Variants in ZMIZ1 observed in about 807,000 individuals in gnomAD.
ZMIZ1 encodes zinc finger MIZ-type containing 1.
A neutral mutation model predicts 113.9 loss-of-function variants in ZMIZ1; 17 were observed. That is an observed-to-expected ratio of 0.15 (90% CI 0.10 to 0.22). The LOEUF (loss-of-function observed/expected upper bound fraction) is 0.22, where lower values mean the gene tolerates loss of function less well. ZMIZ1 is among the 10% of genes least tolerant of loss of function. The pLI is 1.00. For missense variants in ZMIZ1, 1,059 were observed against 1,477.8 expected, an observed-to-expected ratio of 0.72 and a Z score of 4.65; for synonymous variants, 607 against 603.1, an observed-to-expected ratio of 1.01 and a Z score of -0.09.
intron 1 of ZMIZ1, among the ~76,000 whole-genome samples, chr10:79,077,514 C>A (rs1262502822): frequency 6.6e-6 from 1 of 151,788 alleles, no homozygotes; most frequent in African/African-American, 2.4e-5. Flanking sequence ...GGTTTTCCAT[C>A]GAAAAATGGT....
At chr10:79,250,605 G>T (rs1315174393) in intron 7 of ZMIZ1, among the ~76,000 whole-genome samples, 1 of 152,246 alleles carries the variant, frequency 6.6e-6, no homozygotes, top group East Asian at 1.9e-4. Context: ...AAGCCCGCCA[G>T]TGATTTGCAC....
At chr10:79,219,015 G>A (rs1848854592) in intron 7 of ZMIZ1, among the ~76,000 whole-genome samples, 1 of 151,636 alleles carries the variant, frequency 6.6e-6, no homozygotes, top group African/African-American at 2.4e-5. Context: ...GACAGCTCGG[G>A]CTATAAAAGA....
At position 79,118,261 on chromosome 10, in the gene ZMIZ1, A is replaced by C. The variant is rs1162054791; in HGVS notation, c.-336-654A>C. On this transcript the variant is annotated intron_variant, in intron 1 of 24. Coordinates refer to ENST00000334512, the MANE Select transcript of ZMIZ1 (RefSeq NM_020338.4). The surrounding 1 kb of genome is among the most constrained non-coding windows in gnomAD (Gnocchi z 4.1). ...GAGGCCTCCTGACTTCAGTCAGCCC[A>C]TGTTTTTCTGTTTGTTCACTGCACA... Among the ~76,000 whole-genome samples, 1 of 152,082 alleles carries C rather than the reference A, an allele frequency of 6.6e-6. No homozygotes were observed. Among genetic ancestry groups the C allele is most frequent in the African/African-American group, 2.4e-5 (1 of 41,408 alleles).
chr10:79,169,078 G>A (rs150366769), intron 4 of ZMIZ1, among the ~76,000 whole-genome samples: 3 of 152,330 alleles, frequency 2.0e-5, no homozygotes, highest in Admixed American at 6.5e-5. Flanking sequence ...CTCTGTTGGA[G>A]CCTAGGGGAA....
At chr10:79,305,268 C>T (rs1393457256) in intron 20 of ZMIZ1, 37 bp downstream of exon 20, 1 of 1,609,066 alleles carries the variant, frequency 6.2e-7, no homozygotes, top group Non-Finnish European at 8.5e-7. Context: ...CTTCCCCCAT[C>T]CCCCAACCAC....
At chr10:79,073,444 A>G (rs1009559527) in intron 1 of ZMIZ1, among the ~76,000 whole-genome samples, 2 of 152,210 alleles carry the variant, frequency 1.3e-5, no homozygotes, top group Non-Finnish European at 2.9e-5. Flanking sequence ...CCCACAGGAC[A>G]GGGTACTCAT....
chr10:79,245,442 G>A (rs570767739), intron 7 of ZMIZ1, among the ~76,000 whole-genome samples: 1 of 152,346 alleles, frequency 6.6e-6, no homozygotes, highest in South Asian at 2.1e-4. Context: ...CTGGCGGATG[G>A]TGGGTGCCCA....
intron 1 of ZMIZ1, among the ~76,000 whole-genome samples, chr10:79,107,474 G>C (rs1393018088): frequency 6.6e-6 from 1 of 152,200 alleles, no homozygotes; most frequent in East Asian, 1.9e-4. Flanking sequence ...GCCCGCCAGT[G>C]GTGTTCACAG....
At chr10:79,099,383 C>T (rs906515010) in intron 1 of ZMIZ1, among the ~76,000 whole-genome samples, 2 of 152,194 alleles carry the variant, frequency 1.3e-5, no homozygotes, top group East Asian at 3.9e-4. Flanking sequence ...TCCCCCTCCC[C>T]ATGGCTCCAC....
At chr10:79,261,784 A>G (rs559628577) in intron 7 of ZMIZ1, among the ~76,000 whole-genome samples, 4 of 152,246 alleles carry the variant, frequency 2.6e-5, no homozygotes, top group Non-Finnish European at 4.4e-5. Flanking sequence ...TTCTCCATCC[A>G]TAGCCACTGT....
intron 4 of ZMIZ1, among the ~76,000 whole-genome samples, chr10:79,198,104 A>C (rs530749242): frequency 6.6e-6 from 1 of 152,082 alleles, no homozygotes. Context: ...CTAAAAATAC[A>C]AAAAACTAGC....
chr10:79,285,707 A>G (rs370142788), intron 8 of ZMIZ1: 1 of 395,878 alleles, frequency 2.5e-6, no homozygotes, highest in Non-Finnish European at 5.1e-6. Flanking sequence ...TGAAGACATC[A>G]TGCTTGGCTC....
intron 1 of ZMIZ1, among the ~76,000 whole-genome samples, chr10:79,076,826 G>A (rs1842490253): frequency 6.6e-6 from 1 of 152,070 alleles, no homozygotes; most frequent in Non-Finnish European, 1.5e-5. Context: ...GACAGAGCAG[G>A]ACTCTGCCTA....
intron 3 of ZMIZ1, among the ~76,000 whole-genome samples, chr10:79,156,335 G>T (rs187815166): frequency 1.6e-4 from 24 of 152,228 alleles, no homozygotes; most frequent in Non-Finnish European, 2.9e-4. Context: ...CCCTAGGTTT[G>T]CGTGGCATGT....
rs74651327 is a variant in ZMIZ1 at position 79,248,523 on chromosome 10, G to A, written c.281-28658G>A. ...AGGGCTGCTGCTGAGTAGCAGGCAG[G>A]AATCGGGCATAGAAGTTGGGAGTAG... is the stretch of plus-strand genomic sequence containing the variant. On this transcript the variant is annotated intron_variant, in intron 7 of 24. Coordinates refer to ENST00000334512, the MANE Select transcript of ZMIZ1 (RefSeq NM_020338.4). 9.1e-4 allele frequency among the ~76,000 whole-genome samples: 138 copies of A among 152,296 alleles called. 2 individuals are homozygous for A. In the East Asian group the frequency reaches 0.023, roughly 26 times the overall value.
chr10:79,223,210 C>G (rs1849054046), intron 7 of ZMIZ1, among the ~76,000 whole-genome samples: 1 of 152,262 alleles, frequency 6.6e-6, no homozygotes, highest in Non-Finnish European at 1.5e-5. Flanking sequence ...CTGTGCGCAG[C>G]TCTGCGTGAA....
intron 2 of ZMIZ1, among the ~76,000 whole-genome samples, chr10:79,130,514 C>A (rs1431036763): frequency 6.6e-6 from 1 of 152,254 alleles, no homozygotes; most frequent in Non-Finnish European, 1.5e-5. Flanking sequence ...TGAGCTGCTG[C>A]CATGCGGTTG....
At chr10:79,299,988 T>C (rs1003488621) in intron 16 of ZMIZ1, among the ~76,000 whole-genome samples, 1 of 150,532 alleles carries the variant, frequency 6.6e-6, no homozygotes, top group Non-Finnish European at 1.5e-5. Flanking sequence ...GCGCAAGAGC[T>C]GGGTCTGTGC....
intron 1 of ZMIZ1, among the ~76,000 whole-genome samples, chr10:79,075,349 T>C (rs1310173512): frequency 6.6e-6 from 1 of 152,152 alleles, no homozygotes; most frequent in African/African-American, 2.4e-5. Flanking sequence ...CAGTGGAGCA[T>C]CAAAGACTAG....
Sources: allele counts gnomAD v4.1 joint callset (sites outside exome capture counted in the v4.1 genomes callset), GRCh38; gene constraint gnomAD v4.1.1; non-coding constraint Gnocchi (gnomAD v3.1); transcripts MANE v1.5; gene names NCBI Gene and HGNC (gene_info 2026-07-23, HGNC 2026-07-21).